SNTG2: variants seen among roughly 807,000 people sequenced by gnomAD.
SNTG2 encodes syntrophin gamma 2.
In SNTG2, 74 loss-of-function variants were observed where a neutral mutation model predicts 70.9. The ratio of observed to expected loss-of-function variants is 1.04; its 90% CI spans 0.86 to 1.27. The LOEUF is 1.27. Ranked by LOEUF, SNTG2 falls within the 50% of genes most tolerant of loss-of-function variation. The pLI is 0.00. For missense variants in SNTG2, 717 were observed against 690.7 expected, an observed-to-expected ratio of 1.04 and a Z score of -0.43; for synonymous variants, 278 against 273.8, an observed-to-expected ratio of 1.02 and a Z score of -0.15.
In SNTG2 at chr2:950,958, C is replaced by T. The variant is rs951508175; in HGVS notation, c.-39C>T. 1.1e-5 allele frequency: 13 copies of T among 1,141,970 alleles called. No homozygotes were observed. The East Asian group carries it at 1.4e-4, about 12-fold the overall frequency. The allele number at this position is 1,141,970 out of a possible 1,614,324, so 70.7% of individuals were successfully genotyped here. ...TCGGACGGGGTCCTGGCGTTGAGCT[C>T]GGCCGGCCCGGAGCGCGGACCCAGC... On this transcript the variant is annotated 5_prime_UTR_variant, in exon 1 of 17. Coordinates refer to ENST00000308624, the MANE Select transcript of SNTG2 (RefSeq NM_018968.4).
chr2:1,281,115 T>C (rs1037574193), intron 14 of SNTG2, among the ~76,000 whole-genome samples: 1 of 151,892 alleles, frequency 6.6e-6, no homozygotes, highest in African/African-American at 2.4e-5. Context: ...TGGGAATTCA[T>C]GAGTGGATAA....
At chr2:1,351,039 G>A (rs773493036) in intron 16 of SNTG2, among the ~76,000 whole-genome samples, 6 of 151,672 alleles carry the variant, frequency 4.0e-5, no homozygotes, top group South Asian at 2.1e-4. Flanking sequence ...GACCTTGTTC[G>A]GCCGATAAGT....
At chr2:1,233,073 T>C (rs1676368312) in intron 9 of SNTG2, among the ~76,000 whole-genome samples, 1 of 152,240 alleles carries the variant, frequency 6.6e-6, no homozygotes, top group Admixed American at 6.5e-5. Flanking sequence ...GATGAAAGCT[T>C]CCTTGGTTAA....
intron 1 of SNTG2, among the ~76,000 whole-genome samples, chr2:966,909 T>A (rs768516483): frequency 2.0e-5 from 3 of 152,118 alleles, no homozygotes; most frequent in Non-Finnish European, 4.4e-5. Context: ...ATCGCGCCAC[T>A]GCCCTCCAGC....
chr2:1,259,324 A>C (rs1228938691), intron 12 of SNTG2, 46 bp from the exon 13 acceptor site: 3 of 1,594,046 alleles, frequency 1.9e-6, no homozygotes, highest in Non-Finnish European at 2.6e-6. Flanking sequence ...TTTTTCAACT[A>C]AAAGTAGCAT....
At position 1,367,326 on chromosome 2, in the gene SNTG2, C is replaced by G; in HGVS notation, c.1489-17C>G. The G allele has an allele frequency of 1.3e-6, 2 of 1,521,960 alleles. No individual in the cohort carries two copies. Among genetic ancestry groups the G allele is most frequent in the South Asian group, 1.3e-5 (1 of 79,118 alleles). 94.3% of individuals were successfully genotyped at this position (1,521,960 alleles called of 1,614,324 possible). On this transcript the variant is annotated splice_polypyrimidine_tract_variant and intron_variant, in intron 16 of 16. Transcript: ENST00000308624. ...CCAACAATTATAATAAACACTTGAT[C>G]TGATTTTCTCCTCCAGGAACTCGAG...
intron 1 of SNTG2, among the ~76,000 whole-genome samples, chr2:997,744 G>C (rs1365017247): frequency 6.6e-6 from 1 of 152,218 alleles, no homozygotes; most frequent in East Asian, 1.9e-4. Context: ...AGGCCACCGG[G>C]CATTCCAGAG....
chr2:1,142,213 A>T (rs28644290), intron 6 of SNTG2, among the ~76,000 whole-genome samples: 6 of 152,356 alleles, frequency 3.9e-5, no homozygotes, highest in African/African-American at 1.4e-4. Context: ...ACTGCAATGT[A>T]TTCCCCATCT....
At chr2:1,214,251 A>G (rs115958302) in intron 9 of SNTG2, among the ~76,000 whole-genome samples, 30 of 152,280 alleles carry the variant, frequency 2.0e-4, no homozygotes, top group Middle Eastern at 3.4e-3. Flanking sequence ...GGTTCCATAT[A>G]CATTTTAGGA....
At chr2:955,339 C>A (rs915478932) in intron 1 of SNTG2, among the ~76,000 whole-genome samples, 1 of 152,178 alleles carries the variant, frequency 6.6e-6, no homozygotes, top group East Asian at 1.9e-4. Flanking sequence ...GATGATGGCA[C>A]CGAATCGTGT....
chr2:1,161,918 C>CA (rs895296534), intron 6 of SNTG2, among the ~76,000 whole-genome samples: 7 of 151,926 alleles, frequency 4.6e-5, no homozygotes, highest in East Asian at 3.9e-4. Flanking sequence ...ACTAAAAATA[C>CA]AAAAAATTAG....
intron 16 of SNTG2, among the ~76,000 whole-genome samples, chr2:1,330,408 G>A (rs1659462890): frequency 1.3e-5 from 2 of 152,242 alleles, no homozygotes; most frequent in South Asian, 4.1e-4. Context: ...TTCCCTAGAT[G>A]AGACTATGGC....
intron 1 of SNTG2, among the ~76,000 whole-genome samples, chr2:1,047,728 T>C (rs1477548330): frequency 6.6e-6 from 1 of 152,228 alleles, no homozygotes; most frequent in East Asian, 1.9e-4. Context: ...CGTGGTTCCT[T>C]TTTATTTCCT....
intron 1 of SNTG2, among the ~76,000 whole-genome samples, chr2:975,225 C>G (rs920646416): frequency 6.6e-6 from 1 of 152,134 alleles, no homozygotes; most frequent in Admixed American, 6.5e-5. Context: ...CGCTTGGACT[C>G]ACACCTGTGA....
chr2:1,230,961 G>A (rs1450875917), intron 9 of SNTG2, among the ~76,000 whole-genome samples: 1 of 152,100 alleles, frequency 6.6e-6, no homozygotes, highest in East Asian at 1.9e-4. Flanking sequence ...GATAATGACA[G>A]TGCCTCTTCC....
At chr2:968,073 T>TCTTCCAC (rs1660628584) in intron 1 of SNTG2, among the ~76,000 whole-genome samples, 2 of 152,144 alleles carry the variant, frequency 1.3e-5, no homozygotes, top group African/African-American at 4.8e-5. Context: ...AGATTTCCTT[T>TCTTCCAC]AGTATTTGTA....
intron 7 of SNTG2, among the ~76,000 whole-genome samples, chr2:1,171,344 C>T (rs540433031): frequency 8.3e-4 from 127 of 152,284 alleles, no homozygotes; most frequent in Non-Finnish European, 1.6e-3. Flanking sequence ...CTTGGATCTG[C>T]TGCCATTAGT....
intron 14 of SNTG2, among the ~76,000 whole-genome samples, chr2:1,304,321 G>A (rs912922090): frequency 4.6e-5 from 7 of 152,234 alleles, no homozygotes; most frequent in African/African-American, 1.2e-4. Flanking sequence ...TTTCCTTACT[G>A]GAAATGAGCA....
chr2:1,155,070 C>T (rs56171504), intron 6 of SNTG2, among the ~76,000 whole-genome samples: 105,002 of 150,822 alleles, frequency 0.7, 37,855 homozygotes, highest in Middle Eastern at 0.85. Context: ...ACAAACCACA[C>T]ACACAGCACA....
Sources: gnomAD v4.1 joint callset for allele counts (sites outside exome capture counted in the v4.1 genomes callset) on GRCh38, gnomAD v4.1.1 for gene constraint, MANE v1.5 for transcripts, NCBI Gene and HGNC (gene_info 2026-07-23, HGNC 2026-07-21) for gene names.